The following HDLBP variants were observed in gnomAD, a reference collection of about 807,000 sequenced individuals.
HDLBP encodes high density lipoprotein binding protein.
HDLBP carries 30 observed loss-of-function variants against 137.3 expected under a neutral mutation model. The ratio of observed to expected loss-of-function variants is 0.22; its 90% CI spans 0.16 to 0.30. The LOEUF (loss-of-function observed/expected upper bound fraction) is 0.30, where lower values mean the gene tolerates loss of function less well. Ranked by LOEUF, HDLBP falls within the 10% of genes least tolerant of loss-of-function variation. The pLI is 1.00. For missense variants in HDLBP, 1,119 were observed against 1,667.3 expected (o/e 0.67, Z 5.73); for synonymous variants, 606 against 596.0 (o/e 1.02, Z -0.24).
In HDLBP at chr2:241,255,612, G is replaced by A. The variant is rs766294773; in HGVS notation, c.874-32C>T. 19 of 1,577,418 alleles carry A rather than the reference G, an allele frequency of 1.2e-5. No homozygotes were observed. In the Admixed American group the frequency reaches 3.2e-4, roughly 26 times the overall value. On this transcript the variant is annotated intron_variant, in intron 7 of 27. Coordinates refer to ENST00000310931, the MANE Select transcript of HDLBP (RefSeq NM_005336.6). ...AAGAGCACCATAAGGGGCAGTCAAA[G>A]GGAAAGGTGTGGGAAGCGGGCAGGT...
At chr2:241,281,557 C>A (rs1452444439) in intron 1 of HDLBP, among the ~76,000 whole-genome samples, 2 of 151,992 alleles carry the variant, frequency 1.3e-5, no homozygotes, top group African/African-American at 4.8e-5. Context: ...AATGTTAGGT[C>A]CAAAAGAATA....
In HDLBP at chr2:241,240,261, C is replaced by T; in HGVS notation, c.2170-139G>A. On this transcript the variant is annotated intron_variant, in intron 17 of 27. Coordinates refer to ENST00000310931, the MANE Select transcript of HDLBP (RefSeq NM_005336.6). This position sits in a 1 kb window ranked among gnomAD's most constrained non-coding sequence, Gnocchi z 5.5. ...TGTCCTGATGTTGCACCAATACCCC[C>T]AAAATGGGGCTAGCACACCTCACTG... 1 of 768,928 alleles carries T rather than the reference C, an allele frequency of 1.3e-6. No homozygotes were observed. The highest frequency in any genetic ancestry group is 2.3e-6 in the Non-Finnish European group (1 of 439,182). 47.6% of individuals were successfully genotyped at this position (768,928 alleles called of 1,614,324 possible).
rs1037482242 is a variant in HDLBP at position 241,229,434 on chromosome 2, G to A, written c.*167C>T. The A allele has an allele frequency of 4.7e-5, 27 of 580,268 alleles. No individual in the cohort carries two copies. Among genetic ancestry groups the A allele is most frequent in the Non-Finnish European group, 8.3e-5 (27 of 323,402 alleles). 35.9% of individuals were successfully genotyped at this position (580,268 alleles called of 1,614,324 possible). On this transcript the variant is annotated 3_prime_UTR_variant, in exon 28 of 28. Transcript: ENST00000310931. ...TGAGCGGGCACGGCCAGGCCTGGAG[G>A]AGCGGCCGCACACACAGCCAGGCGC...
At chr2:241,291,198 C>G (rs2075003404) in intron 1 of HDLBP, among the ~76,000 whole-genome samples, 1 of 152,166 alleles carries the variant, frequency 6.6e-6, no homozygotes, top group Non-Finnish European at 1.5e-5. Context: ...CATTAAGAAC[C>G]AAGATTTTAG....
chr2:241,232,590 A>G (rs2069902308), intron 24 of HDLBP, among the ~76,000 whole-genome samples: 1 of 152,164 alleles, frequency 6.6e-6, no homozygotes, highest in African/African-American at 2.4e-5. Flanking sequence ...ATGACTTTTA[A>G]GATTGATAAT....
At chr2:241,250,036 T>C (rs2072002843) in intron 11 of HDLBP, 56 bp from the exon 12 acceptor site, 1 of 1,528,344 alleles carries the variant, frequency 6.5e-7, no homozygotes, top group Admixed American at 2.0e-5. Context: ...ATTCTGCCAA[T>C]GACATAACTG....
rs769036786 is a variant in HDLBP at position 241,256,155 on chromosome 2, T to C, written c.873+29A>G. ...AAATCCTCATTTCTATTCCTGCCCA[T>C]GGGGATTTGCCTCCTCTAAATCGTG... is the stretch of plus-strand genomic sequence containing the variant. On this transcript the variant is annotated intron_variant, in intron 7 of 27. Coordinates refer to ENST00000310931, the MANE Select transcript of HDLBP (RefSeq NM_005336.6). 25 of 1,582,924 alleles carry C rather than the reference T, an allele frequency of 1.6e-5. No individual in the cohort carries two copies. In the South Asian group the frequency reaches 2.4e-4, roughly 15 times the overall value.
At chr2:241,266,647 A>T (rs905494478) in intron 3 of HDLBP, 147 bp downstream of exon 3, 1 of 640,404 alleles carries the variant, frequency 1.6e-6, no homozygotes, top group African/African-American at 1.8e-5. Flanking sequence ...CAGCAATGCG[A>T]AAACAGTGCA....
At chr2:241,253,578 G>A (rs938777189) in intron 9 of HDLBP, 81 bp from the exon 10 acceptor site, 69 of 946,650 alleles carry the variant, frequency 7.3e-5, no homozygotes, top group African/African-American at 1.3e-4. Context: ...AGCTCTCTTC[G>A]GAGCGGCTTC....
intron 1 of HDLBP, among the ~76,000 whole-genome samples, chr2:241,281,905 T>C (rs1263005971): frequency 6.6e-6 from 1 of 152,204 alleles, no homozygotes; most frequent in Non-Finnish European, 1.5e-5. Context: ...AGTGCTACAG[T>C]GTCTGTATTT....
intron 1 of HDLBP, among the ~76,000 whole-genome samples, chr2:241,311,070 C>T (rs570911397): frequency 1.3e-5 from 2 of 151,842 alleles, no homozygotes; most frequent in East Asian, 1.9e-4. Context: ...GCTATGACAG[C>T]GCCACCGCAC....
intron 17 of HDLBP, among the ~76,000 whole-genome samples, chr2:241,241,221 G>C (rs1052541539): frequency 6.6e-6 from 1 of 152,138 alleles, no homozygotes; most frequent in African/African-American, 2.4e-5. Flanking sequence ...CCAGATTAGA[G>C]AGAAATGTAA....
rs140125902 is a variant in HDLBP, at chr2:241,297,288, G to C, written c.-103+18282C>G. Among the ~76,000 whole-genome samples, 442 of 152,252 alleles carry C rather than the reference G, an allele frequency of 2.9e-3. 1 individual carries two copies. Among genetic ancestry groups the C allele is most frequent in the African/African-American group, 0.01 (420 of 41,538 alleles). The stretch of plus-strand genomic sequence containing the variant: ...ATCCAAGCAGGAAGGTCAACAAGAG[G>C]AGCCTCGTTCCATACAGGGTGAATA... On this transcript the variant is annotated intron_variant, in intron 1 of 27. Transcript: ENST00000310931.
At chr2:241,279,911 A>G in intron 1 of HDLBP, 3 of 985,404 alleles carry the variant, frequency 3.0e-6, no homozygotes, top group Non-Finnish European at 3.6e-6. Flanking sequence ...CAATTTATGC[A>G]GCCTACTCCT....
At chr2:241,237,716 T>G (rs2070721314) in intron 20 of HDLBP, among the ~76,000 whole-genome samples, 1 of 127,440 alleles carries the variant, frequency 7.8e-6, no homozygotes, top group Admixed American at 8.5e-5. Context: ...AAAATGACAT[T>G]CAGAAAAAAA....
At chr2:241,246,356 G>C (rs576082596) in intron 16 of HDLBP, among the ~76,000 whole-genome samples, 1 of 152,252 alleles carries the variant, frequency 6.6e-6, no homozygotes, top group East Asian at 1.9e-4. Context: ...TTTTTGGGGT[G>C]ATGGTGGGAA....
intron 1 of HDLBP, among the ~76,000 whole-genome samples, chr2:241,301,893 C>T (rs921035694): frequency 5.3e-5 from 8 of 151,876 alleles, no homozygotes; most frequent in Non-Finnish European, 1.2e-4. Context: ...AAAACTGTTT[C>T]TGAGCAAGTC....
At chr2:241,280,140 T>C in intron 1 of HDLBP, 8 of 983,598 alleles carry the variant, frequency 8.1e-6, no homozygotes, top group Non-Finnish European at 9.7e-6. Context: ...ACTCCCATAC[T>C]GAGTGTGGTG....
chr2:241,250,281 C>T (rs2072025049), intron 11 of HDLBP: 2 of 255,490 alleles, frequency 7.8e-6, no homozygotes, highest in Non-Finnish European at 1.5e-5. Flanking sequence ...TTTAGCTCGT[C>T]TGGGGTATTG....
Sources: gnomAD v4.1 joint callset for allele counts (sites outside exome capture counted in the v4.1 genomes callset) on GRCh38, gnomAD v4.1.1 for gene constraint, Gnocchi (gnomAD v3.1) non-coding constraint, MANE v1.5 for transcripts, NCBI Gene and HGNC (gene_info 2026-07-23, HGNC 2026-07-21) for gene names.